RELN: variants seen among roughly 807,000 people sequenced by gnomAD.
RELN encodes the protein reelin.
RELN carries 108 observed loss-of-function variants against 427.6 expected under a neutral mutation model. The ratio of observed to expected loss-of-function variants is 0.25; its 90% CI spans 0.22 to 0.30. The LOEUF is 0.30. RELN is among the 10% of genes least tolerant of loss of function. The probability of loss-of-function intolerance (pLI) is 1.00; values close to 1 mark genes in which losing one functional copy is unlikely to be tolerated. For synonymous variants in RELN, 1,524 were observed against 1,513.4 expected, an observed-to-expected ratio of 1.01 and a Z score of -0.16; for missense variants, 3,715 against 4,302.8, an observed-to-expected ratio of 0.86 and a Z score of 3.82.
At position 103,688,431 on chromosome 7, in the gene RELN, G is replaced by A. The variant is rs185778273; in HGVS notation, c.1144-6170C>T. Among the ~76,000 whole-genome samples, 230 of 152,104 alleles carry A rather than the reference G, an allele frequency of 1.5e-3. 3 individuals are homozygous for A. Among genetic ancestry groups the A allele is most frequent in the African/African-American group, 5.3e-3 (219 of 41,538 alleles). On this transcript the variant is annotated intron_variant, in intron 10 of 64. Transcript: ENST00000428762. ...GAACTGCTGAAACCTTTTTTCTGAG[G>A]TGCCCAATTGAACATTGCATGGAAG... is the stretch of plus-strand genomic sequence containing the variant.
In RELN at chr7:103,566,351, T is replaced by C; in HGVS notation, c.4809A>G (p.Gln1603=). 6.2e-7 allele frequency: 1 copy of C among 1,614,126 alleles called. No homozygotes were observed. Among genetic ancestry groups the C allele is most frequent in the Non-Finnish European group, 8.5e-7 (1 of 1,180,004 alleles). The part of the protein sequence containing the change: ...DVLIGMNDSS[Q]TGFQDKFDGS... Reference sequence around the variant, plus strand: ...CATCAAATTTGTCTTGAAATCCAGTTTGAGAGCTGTCATTCATTCCTATAA... The same window carrying C: ...CATCAAATTTGTCTTGAAATCCAGTCTGAGAGCTGTCATTCATTCCTATAA... The change falls in exon 33 of 65, where the codon CAA becomes CAG. Residue 1603 remains glutamine, a synonymous_variant. Coordinates refer to ENST00000428762, the MANE Select transcript of RELN (RefSeq NM_005045.4).
At chr7:103,566,574 A>G (rs746419184) in intron 32 of RELN, 27 bp downstream of exon 32, 1 of 1,613,866 alleles carries the variant, frequency 6.2e-7, no homozygotes, top group Non-Finnish European at 8.5e-7. Context: ...AAAAGCTACC[A>G]GAAAGCTGGA....
At chr7:103,758,258 T>C (rs558788329) in intron 4 of RELN, among the ~76,000 whole-genome samples, 50 of 152,308 alleles carry the variant, frequency 3.3e-4, no homozygotes, top group African/African-American at 1.1e-3. Flanking sequence ...GAATTGGAAA[T>C]TGACCTTAGG....
intron 48 of RELN, among the ~76,000 whole-genome samples, chr7:103,521,059 C>G (rs1829697150): frequency 7.0e-6 from 1 of 142,186 alleles, no homozygotes; most frequent in Admixed American, 7.4e-5. Flanking sequence ...TCACTGCAAG[C>G]TCCGCTTCCC....
At chr7:103,828,511 A>T (rs762620868) in intron 3 of RELN, among the ~76,000 whole-genome samples, 36 of 152,062 alleles carry the variant, frequency 2.4e-4, no homozygotes, top group Non-Finnish European at 3.2e-4. Flanking sequence ...ACATAATATT[A>T]AATCATCACT....
rs112038251 is a variant in RELN, at chr7:103,681,970, G to A, written c.1289+146C>T. The A allele has an allele frequency of 1.4e-3, 1,139 of 796,398 alleles. 8 individuals are homozygous for A. In the African/African-American group the frequency reaches 0.017, roughly 12 times the overall value. The allele number at this position is 796,398 out of a possible 1,614,324, so 49.3% of individuals were successfully genotyped here. A position where few individuals can be genotyped will look rare whatever the true frequency, so the allele number is the denominator to read the frequency against. ...TATAAGCTTAGAATCTTTAGGGTAAGTGCACCCCTTTTGGCTTGTCTACGA... is the reference window on the plus strand; with the variant it reads ...TATAAGCTTAGAATCTTTAGGGTAAATGCACCCCTTTTGGCTTGTCTACGA... On this transcript the variant is annotated intron_variant, in intron 11 of 64. Transcript: ENST00000428762.
chr7:103,571,648 T>G (rs1830884078), intron 31 of RELN, among the ~76,000 whole-genome samples: 1 of 152,196 alleles, frequency 6.6e-6, no homozygotes, highest in Non-Finnish European at 1.5e-5. Flanking sequence ...AAGGGTATGC[T>G]GGAAATAAAA....
At chr7:103,494,571 TA>T (rs1166486178) in intron 57 of RELN, among the ~76,000 whole-genome samples, 2 of 137,212 alleles carry the variant, frequency 1.5e-5, no homozygotes, top group East Asian at 4.2e-4. Context: ...TTGGTAGAGA[TA>T]GGGGGTCTTG....
chr7:103,841,342 A>G (rs953525428), intron 2 of RELN, among the ~76,000 whole-genome samples: 5 of 152,210 alleles, frequency 3.3e-5, no homozygotes, highest in South Asian at 2.1e-4. Flanking sequence ...TTTTAAAATC[A>G]TTGTCATACA....
intron 2 of RELN, among the ~76,000 whole-genome samples, chr7:103,897,679 A>G (rs1393285549): frequency 1.3e-5 from 2 of 152,096 alleles, no homozygotes; most frequent in African/African-American, 2.4e-5. Context: ...ATTGCAAAAT[A>G]AAAGCCATAA....
Position 103,589,700 on chromosome 7 carries a change from G to A in RELN, c.4041C>T (p.Cys1347=), listed in dbSNP as rs762723785. 31 of 1,613,746 alleles carry A rather than the reference G, an allele frequency of 1.9e-5. No individual in the cohort carries two copies. The highest frequency in any genetic ancestry group is 1.6e-4 in the Middle Eastern group (1 of 6,082). ...GCYPASAGKG[C]EGNSRELSEP... is the part of the protein sequence containing the mutation. ...CACTTAGTTCTCTGGAGTTTCCTTC[G>A]CATCCTTTGCCTGCAGAAGCCGGGT... The change falls in exon 28 of 65, where the codon TGC becomes TGT. Residue 1347 remains cysteine (C), a synonymous_variant. Transcript: ENST00000428762.
At chr7:103,826,359 T>C (rs1215093051) in intron 3 of RELN, among the ~76,000 whole-genome samples, 3 of 151,510 alleles carry the variant, frequency 2.0e-5, no homozygotes, top group African/African-American at 4.9e-5. Flanking sequence ...TGTGTGTGTG[T>C]ATACACATAC....
intron 11 of RELN, among the ~76,000 whole-genome samples, chr7:103,662,172 C>T (rs1478809417): frequency 1.3e-5 from 2 of 152,056 alleles, no homozygotes; most frequent in African/African-American, 4.8e-5. Flanking sequence ...CCATTACTAC[C>T]CCAATTTTAG....
intron 57 of RELN, among the ~76,000 whole-genome samples, chr7:103,494,202 A>C (rs938614303): frequency 6.6e-6 from 1 of 152,194 alleles, no homozygotes; most frequent in African/African-American, 2.4e-5. Context: ...CAGTCCCCAA[A>C]GGAGAGTTTA....
At chr7:103,905,980 A>T (rs1194291802) in intron 2 of RELN, among the ~76,000 whole-genome samples, 1 of 152,094 alleles carries the variant, frequency 6.6e-6, no homozygotes, top group African/African-American at 2.4e-5. Flanking sequence ...GCCAGAAAGA[A>T]TTCCAAGGGA....
intron 17 of RELN, among the ~76,000 whole-genome samples, chr7:103,639,268 T>A (rs1832647744): frequency 6.6e-6 from 1 of 152,158 alleles, no homozygotes; most frequent in East Asian, 1.9e-4. Context: ...TTATAAAAAA[T>A]TTCCATTGGG....
intron 11 of RELN, among the ~76,000 whole-genome samples, chr7:103,663,097 T>C (rs559251210): frequency 1.3e-5 from 2 of 152,320 alleles, no homozygotes; most frequent in East Asian, 1.9e-4. Flanking sequence ...TTCTTTAAGA[T>C]GTCCTTGAAA....
chr7:103,707,248 T>C (rs182969636), intron 8 of RELN, among the ~76,000 whole-genome samples: 226 of 152,020 alleles, frequency 1.5e-3, no homozygotes, highest in Non-Finnish European at 2.8e-3. Context: ...TCAAAAGAAA[T>C]ACACAAAGAT....
At chr7:103,929,186 T>C (rs1445401254) in intron 1 of RELN, among the ~76,000 whole-genome samples, 2 of 152,252 alleles carry the variant, frequency 1.3e-5, no homozygotes, top group Non-Finnish European at 2.9e-5. Flanking sequence ...TTGCAGTACT[T>C]ATCTGATCCA....
Sources: gnomAD v4.1 joint callset for allele counts (sites outside exome capture counted in the v4.1 genomes callset) on GRCh38, gnomAD v4.1.1 for gene constraint, MANE v1.5 for transcripts, NCBI Gene and HGNC (gene_info 2026-07-23, HGNC 2026-07-21) for gene names.